The following SMG6 variants were observed in gnomAD, a reference collection of about 807,000 sequenced individuals.
The protein encoded by SMG6 is SMG6 nonsense mediated mRNA decay factor.
A neutral mutation model predicts 142.2 loss-of-function variants in SMG6; 66 were observed. The observed-to-expected ratio is 0.46, with a 90% CI of 0.38 to 0.57. The LOEUF (loss-of-function observed/expected upper bound fraction) is 0.57. Ranked by LOEUF, SMG6 falls within the 20% of genes least tolerant of loss-of-function variation. SMG6 has a pLI of 0.00. For synonymous variants in SMG6, 779 were observed against 702.4 expected (o/e 1.11, Z -1.72); for missense variants, 1,793 against 1,832.0 (o/e 0.98, Z 0.39).
At chr17:2,122,933 G>A (rs1480972189) in intron 13 of SMG6, among the ~76,000 whole-genome samples, 1 of 152,246 alleles carries the variant, frequency 6.6e-6, no homozygotes, top group Non-Finnish European at 1.5e-5. Context: ...CAGAGATGGA[G>A]GTGGTCCTGG....
At chr17:2,069,066 G>T in intron 15 of SMG6, 135 bp from the exon 16 acceptor site, 1 of 848,262 alleles carries the variant, frequency 1.2e-6, no homozygotes. Context: ...ACCAGTCCCC[G>T]TCGGGTCTCA....
chr17:2,118,174 T>C (rs111455212), intron 13 of SMG6, among the ~76,000 whole-genome samples: 2 of 152,112 alleles, frequency 1.3e-5, no homozygotes, highest in African/African-American at 2.4e-5. Context: ...GCCTGGGAGG[T>C]TGAGGCTGCA....
At chr17:2,237,485 A>T (rs998809694) in intron 9 of SMG6, 8 of 985,054 alleles carry the variant, frequency 8.1e-6, no homozygotes, top group Non-Finnish European at 1.2e-6. Flanking sequence ...CCCTTGAAGA[A>T]TGCCTAGACC....
intron 9 of SMG6, among the ~76,000 whole-genome samples, chr17:2,238,418 A>G (rs985732118): frequency 4.6e-5 from 7 of 152,184 alleles, no homozygotes; most frequent in Non-Finnish European, 7.4e-5. Flanking sequence ...GTGGAATGGC[A>G]GAGAGTGACA....
chr17:2,095,405 C>T (rs1017999958), intron 13 of SMG6, among the ~76,000 whole-genome samples: 1 of 152,174 alleles, frequency 6.6e-6, no homozygotes, highest in African/African-American at 2.4e-5. Context: ...ATTTATTCTA[C>T]GCGTGGCACA....
chr17:2,189,525 TC>T (rs1411651995), intron 10 of SMG6, among the ~76,000 whole-genome samples: 1 of 151,814 alleles, frequency 6.6e-6, no homozygotes, highest in Non-Finnish European at 1.5e-5. Context: ...ATCTGTGAAT[TC>T]CCTCTCTAAT....
chr17:2,149,639 T>C (rs995849802), intron 13 of SMG6, among the ~76,000 whole-genome samples: 1 of 152,152 alleles, frequency 6.6e-6, no homozygotes, highest in Admixed American at 6.5e-5. Context: ...CTCCTTGACA[T>C]CGTGGTCTGA....
At chr17:2,193,838 T>A (rs1027031410) in intron 10 of SMG6, among the ~76,000 whole-genome samples, 6 of 152,170 alleles carry the variant, frequency 3.9e-5, no homozygotes, top group African/African-American at 1.4e-4. Context: ...GTAGAGACCT[T>A]TATTTTTGAG....
Position 2,299,995 on chromosome 17 carries a change from C to CGAA in SMG6, c.757_758insTTC (p.Asn252_Arg253insLeu). 1 of 1,614,112 alleles carries CGAA rather than the reference C, an allele frequency of 6.2e-7. No homozygotes were observed. On this transcript the variant is annotated inframe_insertion, in exon 2 of 19. Coordinates refer to ENST00000263073, the MANE Select transcript of SMG6 (RefSeq NM_017575.5). The surrounding 1 kb of genome is among the most constrained non-coding windows in gnomAD (Gnocchi z 4.3). ...TGAGCTGGTGCTGCGCGTGCGGTAG[C>CGAA]GATTCCTTCGTTTGTCTGAGCGGGA...
At chr17:2,144,929 G>A (rs2070615752) in intron 13 of SMG6, among the ~76,000 whole-genome samples, 1 of 152,090 alleles carries the variant, frequency 6.6e-6, no homozygotes, top group Non-Finnish European at 1.5e-5. Flanking sequence ...GCAGTTTTTA[G>A]TGAGTAAGCC....
chr17:2,077,199 C>T (rs1484138553), intron 15 of SMG6, among the ~76,000 whole-genome samples: 1 of 152,226 alleles, frequency 6.6e-6, no homozygotes, highest in Non-Finnish European at 1.5e-5. Context: ...ACAGTAAATG[C>T]TCAATGCCGC....
intron 10 of SMG6, among the ~76,000 whole-genome samples, chr17:2,202,118 T>C (rs1404899864): frequency 6.6e-6 from 1 of 152,130 alleles, no homozygotes; most frequent in Admixed American, 6.5e-5. Context: ...ACGCAAAGAA[T>C]GTTCATAGCA....
intron 12 of SMG6, among the ~76,000 whole-genome samples, chr17:2,183,496 G>C (rs1229938753): frequency 2.0e-5 from 3 of 152,102 alleles, no homozygotes; most frequent in Non-Finnish European, 4.4e-5. Flanking sequence ...ATTCCAGGCC[G>C]TGTGAACCAT....
At chr17:2,248,979 C>T (rs545765767) in intron 8 of SMG6, among the ~76,000 whole-genome samples, 21 of 151,696 alleles carry the variant, frequency 1.4e-4, no homozygotes, top group South Asian at 1.0e-3. Flanking sequence ...CTCCGCCTCC[C>T]GGGTTCACGC....
intron 10 of SMG6, among the ~76,000 whole-genome samples, chr17:2,218,022 CAAAAACAAAAAA>C (rs1451651531): frequency 4.0e-5 from 5 of 125,274 alleles, no homozygotes; most frequent in Non-Finnish European, 8.7e-5. Context: ...AAAACAAAAA[CAAAAACAAAAAA>C]AAAAACAATG....
intron 1 of SMG6, chr17:2,303,046 T>C (rs1427695883): frequency 3.0e-6 from 3 of 985,352 alleles, no homozygotes; most frequent in East Asian, 2.3e-4. Flanking sequence ...TGAAATTAAC[T>C]TGCAAATTGA....
intron 10 of SMG6, among the ~76,000 whole-genome samples, chr17:2,199,501 A>G (rs536881440): frequency 2.0e-4 from 30 of 151,868 alleles, no homozygotes; most frequent in Non-Finnish European, 4.1e-4. Context: ...TGATTATGTC[A>G]CTGCACTCCA....
At chr17:2,105,437 C>T (rs1408947611) in intron 13 of SMG6, among the ~76,000 whole-genome samples, 1 of 151,928 alleles carries the variant, frequency 6.6e-6, no homozygotes, top group Non-Finnish European at 1.5e-5. Flanking sequence ...TCCCAGCTAC[C>T]TGGGAGGCTA....
chr17:2,104,493 T>C (rs1423684647), intron 13 of SMG6, among the ~76,000 whole-genome samples: 3 of 151,710 alleles, frequency 2.0e-5, no homozygotes, highest in Non-Finnish European at 4.4e-5. Flanking sequence ...GGGAAAGTTC[T>C]AGAAAGAAAA....
Sources: allele counts gnomAD v4.1 joint callset (sites outside exome capture counted in the v4.1 genomes callset), GRCh38; gene constraint gnomAD v4.1.1; non-coding constraint Gnocchi (gnomAD v3.1); transcripts MANE v1.5; gene names NCBI Gene and HGNC (gene_info 2026-07-23, HGNC 2026-07-21).